PTPRD: variants seen among roughly 807,000 people sequenced by gnomAD.
The protein encoded by PTPRD is protein tyrosine phosphatase receptor type D, also known as receptor-type tyrosine-protein phosphatase delta.
In PTPRD, 34 loss-of-function variants were observed where a neutral mutation model predicts 214.5. The ratio of observed to expected loss-of-function variants is 0.16; its 90% CI spans 0.12 to 0.21. PTPRD has a LOEUF of 0.21. Among genes scored for constraint, PTPRD ranks in the 10% least tolerant of loss-of-function variants. The probability of loss-of-function intolerance (pLI) is 1.00; values close to 1 mark genes in which losing one functional copy is unlikely to be tolerated. For missense variants in PTPRD, 2,545 were observed against 2,398.7 expected (o/e 1.06, Z -1.27); for synonymous variants, 1,128 against 845.7 (o/e 1.33, Z -5.79).
chr9:8,689,704 G>A (rs1469472010), intron 12 of PTPRD, among the ~76,000 whole-genome samples: 6 of 152,146 alleles, frequency 3.9e-5, no homozygotes, highest in Admixed American at 3.9e-4. Context: ...TGGGGACACA[G>A]CCAAACCATA....
At chr9:8,412,002 C>T (rs1225643744) in intron 35 of PTPRD, among the ~76,000 whole-genome samples, 3 of 152,260 alleles carry the variant, frequency 2.0e-5, no homozygotes, top group East Asian at 1.9e-4. Flanking sequence ...TATTAAACTG[C>T]TTTGTTTAAA....
chr9:10,150,646 C>G (rs1030672690), intron 3 of PTPRD, among the ~76,000 whole-genome samples: 2 of 145,088 alleles, frequency 1.4e-5, no homozygotes, highest in Non-Finnish European at 3.0e-5. Context: ...TACCCTAGAA[C>G]TTAAAGTAAA....
At chr9:10,239,120 A>G (rs1361285934) in intron 3 of PTPRD, among the ~76,000 whole-genome samples, 1 of 151,996 alleles carries the variant, frequency 6.6e-6, no homozygotes, top group Non-Finnish European at 1.5e-5. Context: ...ATTTTAAGTT[A>G]TAGACTAAGT....
intron 5 of PTPRD, among the ~76,000 whole-genome samples, chr9:9,870,387 T>C (rs1420678658): frequency 6.7e-6 from 1 of 148,448 alleles, no homozygotes; most frequent in East Asian, 1.9e-4. Flanking sequence ...ACAATCTATA[T>C]TTACTATAGA....
At chr9:8,337,905 A>G (rs973745694) in intron 43 of PTPRD, among the ~76,000 whole-genome samples, 8 of 151,554 alleles carry the variant, frequency 5.3e-5, no homozygotes, top group African/African-American at 1.9e-4. Flanking sequence ...GGGGCAGGTT[A>G]CACTCAAGAC....
intron 2 of PTPRD, among the ~76,000 whole-genome samples, chr9:10,468,649 A>C (rs1421823476): frequency 6.6e-6 from 1 of 152,162 alleles, no homozygotes; most frequent in African/African-American, 2.4e-5. Flanking sequence ...AAATATAATA[A>C]AAACATTAAA....
chr9:10,166,464 A>T (rs1164842410), intron 3 of PTPRD, among the ~76,000 whole-genome samples: 1 of 151,810 alleles, frequency 6.6e-6, no homozygotes, highest in East Asian at 1.9e-4. Context: ...TAGTTTTATT[A>T]ATTCAGCTAG....
At chr9:8,883,160 A>G (rs2098460514) in intron 11 of PTPRD, among the ~76,000 whole-genome samples, 1 of 152,324 alleles carries the variant, frequency 6.6e-6, no homozygotes, top group Non-Finnish European at 1.5e-5. Flanking sequence ...TGGATTACAC[A>G]TATTAATTCT....
At chr9:8,952,083 T>A (rs1008103664) in intron 11 of PTPRD, among the ~76,000 whole-genome samples, 3 of 151,980 alleles carry the variant, frequency 2.0e-5, no homozygotes, top group Non-Finnish European at 2.9e-5. Flanking sequence ...TTTACCTTAT[T>A]TCTCTCTGAT....
intron 39 of PTPRD, among the ~76,000 whole-genome samples, chr9:8,347,179 C>T (rs2074082915): frequency 6.6e-6 from 1 of 152,066 alleles, no homozygotes; most frequent in Non-Finnish European, 1.5e-5. Flanking sequence ...GGAATATTTA[C>T]ACCAAAGAAA....
chr9:8,336,628 CA>C (rs764320816), intron 43 of PTPRD, among the ~76,000 whole-genome samples: 227 of 114,586 alleles, frequency 2.0e-3, no homozygotes, highest in African/African-American at 6.4e-3. Flanking sequence ...TTCTGCAGAG[CA>C]AAAAAAAAAA....
chr9:8,609,019 A>G lies in PTPRD; in HGVS notation c.352+24298T>C, dbSNP rs571227035. Among the ~76,000 whole-genome samples, 5 of 152,350 alleles carry G rather than the reference A, an allele frequency of 3.3e-5. No homozygotes were observed. In the East Asian group the frequency reaches 7.7e-4, roughly 24 times the overall value. ...CCCACATATCACCTCTATAATTCAG[A>G]GGACCAGAGTCATCTGTGGGCAAAG... On this transcript the variant is annotated intron_variant, in intron 14 of 45. Coordinates refer to ENST00000381196, the MANE Select transcript of PTPRD (RefSeq NM_002839.4).
At chr9:8,962,117 T>C (rs1292860947) in intron 11 of PTPRD, 1 of 152,136 alleles carries the variant, frequency 6.6e-6, no homozygotes, top group Non-Finnish European at 1.5e-5. Context: ...AACAAACTTT[T>C]ATTTAGCTCT....
chr9:9,633,754 C>T (rs565258255), intron 7 of PTPRD, among the ~76,000 whole-genome samples: 9 of 152,220 alleles, frequency 5.9e-5, no homozygotes, highest in South Asian at 2.1e-4. Flanking sequence ...CTACACTAAT[C>T]GCAAACATAT....
intron 13 of PTPRD, among the ~76,000 whole-genome samples, chr9:8,634,854 T>A (rs1219945344): frequency 1.3e-5 from 2 of 151,656 alleles, no homozygotes; most frequent in African/African-American, 4.8e-5. Context: ...TCTATCCTCT[T>A]ACAACATACA....
chr9:8,929,651 T>A (rs1201216691), intron 11 of PTPRD, among the ~76,000 whole-genome samples: 1 of 150,114 alleles, frequency 6.7e-6, no homozygotes, highest in Non-Finnish European at 1.5e-5. Context: ...TGAAATTTTC[T>A]TTTTTTGTGT....
Position 9,947,563 on chromosome 9 carries a change from TTTATATATATA to T in PTPRD, c.-471-8964_-471-8954del, listed in dbSNP as rs1208456120. Among the ~76,000 whole-genome samples the T allele has an allele frequency of 2.7e-3, 112 of 41,082 alleles. 1 individual carries two copies. The highest frequency in any genetic ancestry group is 4.2e-3 in the South Asian group (7 of 1,664). 27.0% of individuals were successfully genotyped at this position (41,082 alleles called of 152,430 possible). ...TATAATATATATATTATATATATAT[TTTATATATATA>T]TTATATATATATTATATATATAATA... On this transcript the variant is annotated intron_variant, in intron 4 of 45. Coordinates refer to ENST00000381196, the MANE Select transcript of PTPRD (RefSeq NM_002839.4).
rs79440434 is a variant in PTPRD at position 8,564,732 on chromosome 9, G to A, written c.353-35953C>T. On this transcript the variant is annotated intron_variant, in intron 14 of 45. Transcript: ENST00000381196. ...ATTAAAAGTTGACATTCACAATCAA[G>A]TCATGTTACATTGATCTTGATTGGA... is the stretch of plus-strand genomic sequence containing the variant. 2.7e-3 allele frequency among the ~76,000 whole-genome samples: 412 copies of A among 152,140 alleles called. 13 individuals carry two copies. In the East Asian group the frequency reaches 0.069, roughly 25 times the overall value.
chr9:9,473,076 A>G (rs2094742719), intron 8 of PTPRD, among the ~76,000 whole-genome samples: 1 of 151,996 alleles, frequency 6.6e-6, no homozygotes, highest in Non-Finnish European at 1.5e-5. Context: ...CCTCCAATCT[A>G]GTTGTAACTT....
Sources: allele counts gnomAD v4.1 joint callset (sites outside exome capture counted in the v4.1 genomes callset), GRCh38; gene constraint gnomAD v4.1.1; transcripts MANE v1.5; gene names NCBI Gene and HGNC (gene_info 2026-07-23, HGNC 2026-07-21).